Variants in ADAM10 observed in about 807,000 individuals in gnomAD.
The protein encoded by ADAM10 is disintegrin and metalloproteinase domain-containing protein 10.
ADAM10 carries 17 observed loss-of-function variants against 90.1 expected under a neutral mutation model. The observed-to-expected ratio is 0.19, with a 90% CI of 0.13 to 0.28. ADAM10 has a LOEUF of 0.28. Among genes scored for constraint, ADAM10 ranks in the 10% least tolerant of loss-of-function variants. The pLI, the probability that ADAM10 is intolerant of heterozygous loss-of-function variation, is 1.00. For missense variants in ADAM10, 610 were observed against 914.3 expected (o/e 0.67, Z 4.29); for synonymous variants, 310 against 298.6 (o/e 1.04, Z -0.40).
chr15:58,591,977 T>C lies in ADAM10; in HGVS notation c.*5570A>G, dbSNP rs1292444756. ...GTCTCCTTTAACCCATCGTTGTCTT[T>C]TCTCTTTGCATTTCTGTTGTTGAAG... On this transcript the variant is annotated 3_prime_UTR_variant, in exon 16 of 16. Coordinates refer to ENST00000260408, the MANE Select transcript of ADAM10 (RefSeq NM_001110.4). 1 of 152,266 alleles carries C rather than the reference T, an allele frequency of 6.6e-6. No homozygotes were observed. The highest frequency in any genetic ancestry group is 6.5e-5 in the Admixed American group (1 of 15,290). The allele number at this position is 152,266 out of a possible 1,614,324, so 9.4% of individuals were successfully genotyped here.
chr15:58,608,516 T>TTC (rs1400782165), intron 14 of ADAM10, among the ~76,000 whole-genome samples: 2 of 152,158 alleles, frequency 1.3e-5, no homozygotes, highest in Non-Finnish European at 2.9e-5. Flanking sequence ...CTTCACACAT[T>TTC]ATGAGCATGC....
intron 3 of ADAM10, among the ~76,000 whole-genome samples, chr15:58,681,143 T>C (rs769201259): frequency 1.3e-5 from 2 of 152,160 alleles, no homozygotes; most frequent in Non-Finnish European, 2.9e-5. Context: ...TGCAATCTCA[T>C]TTACGGCCTC....
intron 1 of ADAM10, among the ~76,000 whole-genome samples, chr15:58,731,014 G>C (rs751177883): frequency 1.3e-5 from 2 of 152,124 alleles, no homozygotes; most frequent in African/African-American, 2.4e-5. Context: ...GGACTTTTCA[G>C]TCTGTATAAT....
At chr15:58,722,532 CAAA>C (rs35957082) in intron 1 of ADAM10, among the ~76,000 whole-genome samples, 2 of 122,372 alleles carry the variant, frequency 1.6e-5, no homozygotes, top group Non-Finnish European at 3.5e-5. Context: ...GACCCTATCT[CAAA>C]AAAAAAAAAA....
chr15:58,658,937 T>G (rs920255647), intron 5 of ADAM10, among the ~76,000 whole-genome samples: 3 of 152,116 alleles, frequency 2.0e-5, no homozygotes, highest in Admixed American at 1.3e-4. Flanking sequence ...TTTTCTTGCC[T>G]TATTATGGTG....
intron 2 of ADAM10, chr15:58,692,809 C>T (rs768139467): frequency 9.4e-6 from 6 of 637,158 alleles, no homozygotes; most frequent in Non-Finnish European, 1.5e-5. Flanking sequence ...AAAGCCAACA[C>T]CAAATTGCCC....
intron 2 of ADAM10, chr15:58,691,389 T>TTGCTCCACA (rs1897786160): frequency 2.5e-6 from 2 of 792,294 alleles, no homozygotes; most frequent in Non-Finnish European, 4.5e-6. Flanking sequence ...CTTCTTCCAC[T>TTGCTCCACA]CTTGCTCCAC....
In ADAM10 at chr15:58,633,277, A is replaced by C; in HGVS notation, c.1095T>G (p.Val365=). The stretch of plus-strand genomic sequence containing the variant: ...GAGGTACATGAGACCCATAGTTCTG[A>C]ACAGTAATAATTCCAGTGTTTAAGG... ...KKSLNTGIIT[V]QNYGSHVPPK... Residue 365 remains valine (V), a synonymous_variant, in exon 9 of 16, where the codon GTT becomes GTG. Coordinates refer to ENST00000260408, the MANE Select transcript of ADAM10 (RefSeq NM_001110.4). The C allele has an allele frequency of 6.2e-7, 1 of 1,613,240 alleles. No homozygotes were observed. Among genetic ancestry groups the C allele is most frequent in the Non-Finnish European group, 8.5e-7 (1 of 1,179,276 alleles).
chr15:58,694,380 G>A (rs1897914962), intron 2 of ADAM10, among the ~76,000 whole-genome samples: 1 of 151,986 alleles, frequency 6.6e-6, no homozygotes. Context: ...GAACCCAGGA[G>A]GAGGAGGTTG....
At chr15:58,681,282 C>T (rs886656901) in intron 3 of ADAM10, among the ~76,000 whole-genome samples, 2 of 151,974 alleles carry the variant, frequency 1.3e-5, no homozygotes, top group Non-Finnish European at 2.9e-5. Context: ...TGATGAAAAA[C>T]GCTTCATTTT....
chr15:58,594,662 C>A lies in ADAM10; in HGVS notation c.*2885G>T, dbSNP rs1894904318. 1 of 151,938 alleles carries A rather than the reference C, an allele frequency of 6.6e-6. No individual in the cohort carries two copies. Among genetic ancestry groups the A allele is most frequent in the African/African-American group, 2.4e-5 (1 of 41,338 alleles). 9.4% of individuals were successfully genotyped at this position (151,938 alleles called of 1,614,324 possible). A position where few individuals can be genotyped will look rare whatever the true frequency, so the allele number is the denominator to read the frequency against. ...TTCTGATTTTGTTTGTGAATTGGTA[C>A]CTGAATTTATAAAACTGGGGAGGGA... On this transcript the variant is annotated 3_prime_UTR_variant, in exon 16 of 16. Transcript: ENST00000260408.
intron 1 of ADAM10, among the ~76,000 whole-genome samples, chr15:58,720,559 GC>G (rs1416210064): frequency 1.3e-5 from 2 of 151,468 alleles, no homozygotes; most frequent in Non-Finnish European, 2.9e-5. Context: ...CTGCCACCAC[GC>G]CCGGCTAATT....
chr15:58,652,838 G>C (rs574548667), intron 5 of ADAM10, among the ~76,000 whole-genome samples: 5 of 152,196 alleles, frequency 3.3e-5, no homozygotes, highest in African/African-American at 1.2e-4. Context: ...TAACAACACT[G>C]ATTCTTCCGA....
intron 5 of ADAM10, among the ~76,000 whole-genome samples, chr15:58,662,155 G>A (rs955062260): frequency 1.3e-5 from 2 of 152,128 alleles, no homozygotes; most frequent in East Asian, 3.9e-4. Context: ...TGAGTAACTG[G>A]ACTTAGTGTC....
intron 1 of ADAM10, among the ~76,000 whole-genome samples, chr15:58,724,297 G>A (rs1021943536): frequency 1.1e-4 from 17 of 152,128 alleles, no homozygotes; most frequent in South Asian, 4.2e-4. Flanking sequence ...AAAATGACAC[G>A]ATGTCCATAA....
At position 58,593,148 on chromosome 15, in the gene ADAM10, AATTTTTTTTTTTTTT is replaced by A. The variant is rs1566960148; in HGVS notation, c.*4384_*4398del. 20 of 110,580 alleles carry A rather than the reference AATTTTTTTTTTTTTT, an allele frequency of 1.8e-4. No homozygotes were observed. The highest frequency in any genetic ancestry group is 5.9e-4 in the African/African-American group (19 of 32,308). 6.8% of individuals were successfully genotyped at this position (110,580 alleles called of 1,614,324 possible). ...AAAAGTAACAAAGGCCAGGTACTCA[AATTTTTTTTTTTTTT>A]TTTTTTTTTTTTTTTTTTTTTTTTT... On this transcript the variant is annotated 3_prime_UTR_variant, in exon 16 of 16. Coordinates refer to ENST00000260408, the MANE Select transcript of ADAM10 (RefSeq NM_001110.4).
At chr15:58,708,799 CAA>C (rs1249119891) in intron 2 of ADAM10, among the ~76,000 whole-genome samples, 2 of 152,116 alleles carry the variant, frequency 1.3e-5, no homozygotes, top group African/African-American at 2.4e-5. Flanking sequence ...CTTACTAGTG[CAA>C]AGTGATTATA....
chr15:58,684,956 G>C (rs991373692), intron 2 of ADAM10, among the ~76,000 whole-genome samples: 1 of 152,030 alleles, frequency 6.6e-6, no homozygotes, highest in Non-Finnish European at 1.5e-5. Flanking sequence ...ATTGGTTGCT[G>C]GTGTTGGAAA....
intron 4 of ADAM10, 34 bp from the exon 5 acceptor site, chr15:58,665,231 C>T: frequency 7.0e-7 from 1 of 1,433,980 alleles, no homozygotes; most frequent in Non-Finnish European, 9.8e-7. Context: ...ATTACTATCA[C>T]ACATTTAGGT....
Sources: allele counts gnomAD v4.1 joint callset (sites outside exome capture counted in the v4.1 genomes callset), GRCh38; gene constraint gnomAD v4.1.1; transcripts MANE v1.5; gene names NCBI Gene and HGNC (gene_info 2026-07-23, HGNC 2026-07-21).